Variants in TAF1 observed in about 807,000 individuals in gnomAD.
TAF1 encodes transcription initiation factor TFIID subunit 1.
Under a neutral mutation model 138.5 loss-of-function variants are expected in TAF1, and 2 were observed. The observed-to-expected ratio is 0.01, with a 90% CI of 0.01 to 0.05. The LOEUF (loss-of-function observed/expected upper bound fraction) is 0.05, where lower values mean the gene tolerates loss of function less well. TAF1 is among the 10% of genes least tolerant of loss of function. The probability of loss-of-function intolerance (pLI) is 1.00; values close to 1 mark genes in which losing one functional copy is unlikely to be tolerated. For synonymous variants in TAF1, 437 were observed against 503.2 expected, an observed-to-expected ratio of 0.87 and a Z score of 1.76; for missense variants, 709 against 1,478.0, an observed-to-expected ratio of 0.48 and a Z score of 8.53.
chrX:71,379,104 G>GTTTTTTTTTT lies in TAF1; in HGVS notation c.1360+73_1360+74insTTTTTTTTTT, dbSNP rs2033681489. 3.5e-5 allele frequency: 13 copies of GTTTTTTTTTT among 370,411 alleles called. No individual in the cohort carries two copies. The African/African-American group carries it at 4.0e-4, about 11-fold the overall frequency. The allele number at this position is 370,411 out of a possible 1,213,427, so 30.5% of individuals were successfully genotyped here. On this transcript the variant is annotated intron_variant, in intron 8 of 37. Coordinates refer to ENST00000423759, the MANE Select transcript of TAF1 (RefSeq NM_004606.5). ...AGTCACCATAAGTGGGCTCAGCTGT[G>GTTTTTTTTTT]ATTTTTTTTTTTTTTTTTTTTTTTC...
chrX:71,453,926 T>C (rs2038168461), intron 32 of TAF1, among the ~76,000 whole-genome samples: 1 of 112,019 alleles, frequency 8.9e-6, no homozygotes, highest in African/African-American at 3.2e-5. Context: ...TTGAAGTAAA[T>C]GAAACAAGAT....
chrX:71,377,487 C>A, intron 5 of TAF1, 116 bp from the exon 6 acceptor site: 1 of 920,342 alleles, frequency 1.1e-6, no homozygotes, highest in Non-Finnish European at 1.5e-6. Context: ...ATGCGACACT[C>A]CTTTGTTTCT....
intron 13 of TAF1, among the ~76,000 whole-genome samples, chrX:71,488,425 A>G (rs2039214208): frequency 2.8e-5 from 3 of 107,353 alleles, no homozygotes; most frequent in South Asian, 8.4e-4. Flanking sequence ...TGTATTTTTT[A>G]GTAGAGATGG....
intron 13 of TAF1, among the ~76,000 whole-genome samples, chrX:71,487,498 A>G (rs2039195637): frequency 9.2e-6 from 1 of 108,335 alleles, no homozygotes; most frequent in Non-Finnish European, 1.9e-5. Flanking sequence ...TAATTTTTGT[A>G]TTTTTAGTAG....
chrX:71,499,132 G>A lies in TAF1; in HGVS notation c.1367-29410G>A, dbSNP rs369829464. On this transcript the variant is annotated intron_variant and NMD_transcript_variant, in intron 13 of 14. Transcript: ENST00000373775. ...TTGGCTAGGCATAGTGGACATGGGC[G>A]AGGGGGCAGCTTGTTTCTCGTTGGA... Among the ~76,000 whole-genome samples, 9 of 109,389 alleles carry A rather than the reference G, an allele frequency of 8.2e-5. No homozygotes were observed. The East Asian group carries it at 1.2e-3, about 14-fold the overall frequency. The allele number at this position is 109,389 out of a possible 115,157, so 95.0% of individuals were successfully genotyped here.
At chrX:71,379,095 C>A in intron 8 of TAF1, 64 bp downstream of exon 8, 1 of 791,965 alleles carries the variant, frequency 1.3e-6, no homozygotes. Context: ...CATAAGTGGG[C>A]TCAGCTGTGA....
intron 32 of TAF1, among the ~76,000 whole-genome samples, chrX:71,429,229 C>T (rs1030873624): frequency 2.7e-5 from 3 of 109,632 alleles, no homozygotes; most frequent in Admixed American, 2.0e-4. Context: ...GAGCTGAGAT[C>T]GCATCACTGC....
chrX:71,493,234 C>G (rs1027693090), intron 13 of TAF1, among the ~76,000 whole-genome samples: 1 of 110,908 alleles, frequency 9.0e-6, no homozygotes, highest in Non-Finnish European at 1.9e-5. Context: ...AGGCTGGTCT[C>G]GAACTCCTGA....
Position 71,462,097 on chromosome X carries a change from G to T in TAF1, c.5399+1294G>T, listed in dbSNP as rs1207886133. Among the ~76,000 whole-genome samples, 4 of 111,440 alleles carry T rather than the reference G, an allele frequency of 3.6e-5. No individual in the cohort carries two copies. In the East Asian group the frequency reaches 1.1e-3, roughly 31 times the overall value. ...TGTAAGATCTATAATTCATGTGATA[G>T]AAATGACTTAAAGAGGTAGGTAAAT... On this transcript the variant is annotated intron_variant, in intron 37 of 37. Coordinates refer to ENST00000423759, the MANE Select transcript of TAF1 (RefSeq NM_004606.5).
intron 34 of TAF1, among the ~76,000 whole-genome samples, chrX:71,456,983 A>T (rs777541674): frequency 9.0e-6 from 1 of 110,894 alleles, no homozygotes; most frequent in South Asian, 3.8e-4. Context: ...ATGTATTTTC[A>T]CTCAACTGTT....
At chrX:71,502,931 C>T (rs377117005) in intron 13 of TAF1, among the ~76,000 whole-genome samples, 15 of 107,260 alleles carry the variant, frequency 1.4e-4, no homozygotes, top group South Asian at 4.0e-4. Context: ...AGTGAGACTC[C>T]GTCTCAAAAA....
At chrX:71,523,245 C>G (rs1309878808) in intron 13 of TAF1, among the ~76,000 whole-genome samples, 2 of 107,444 alleles carry the variant, frequency 1.9e-5, no homozygotes, top group Non-Finnish European at 3.8e-5. Context: ...ATCTCAGCTA[C>G]CATCCAAAAC....
At chrX:71,478,170 G>A (rs2039011169) in intron 13 of TAF1, among the ~76,000 whole-genome samples, 1 of 110,468 alleles carries the variant, frequency 9.1e-6, no homozygotes, top group South Asian at 3.8e-4. Context: ...CAGCCAACAT[G>A]GTGAAACCCT....
At chrX:71,508,086 C>CTCTCTCTCTCTATA (rs4040068) in intron 13 of TAF1, among the ~76,000 whole-genome samples, 143 of 92,173 alleles carry the variant, frequency 1.6e-3, no homozygotes, top group African/African-American at 5.9e-3. Context: ...CTCTCTCTCT[C>CTCTCTCTCTCTATA]TATATATATA....
chrX:71,396,317 C>G (rs937048659), intron 22 of TAF1, among the ~76,000 whole-genome samples: 1 of 93,815 alleles, frequency 1.1e-5, no homozygotes, highest in Non-Finnish European at 2.1e-5. Flanking sequence ...TTTTTTGAAA[C>G]AGGACCTCAT....
At position 71,508,084 on chromosome X, in the gene TAF1, CTCTATA is replaced by C. The variant is rs1487290420; in HGVS notation, c.1367-20456_1367-20451del. ...ATGAATATTCTCTCTCTCTCTCTCT[CTCTATA>C]TATATATATATATATATATATATGA... On this transcript the variant is annotated intron_variant and NMD_transcript_variant, in intron 13 of 14. Transcript: ENST00000373775. 7.4e-5 allele frequency among the ~76,000 whole-genome samples: 7 copies of C among 94,769 alleles called. No homozygotes were observed. In the East Asian group the frequency reaches 1.3e-3, roughly 18 times the overall value. 82.3% of individuals were successfully genotyped at this position (94,769 alleles called of 115,157 possible). A position where few individuals can be genotyped will look rare whatever the true frequency, so the allele number is the denominator to read the frequency against.
At chrX:71,429,694 G>A (rs2036781159) in intron 32 of TAF1, among the ~76,000 whole-genome samples, 2 of 111,232 alleles carry the variant, frequency 1.8e-5, no homozygotes, top group South Asian at 3.8e-4. Flanking sequence ...GACAGAGACC[G>A]GTAAAGAAAC....
chrX:71,384,900 T>C (rs1332290207), intron 13 of TAF1, 45 bp from the exon 14 acceptor site: 3 of 984,961 alleles, frequency 3.0e-6, no homozygotes, highest in African/African-American at 1.9e-5. Context: ...TTGTGTAGGA[T>C]TATTGATATA....
chrX:71,496,490 T>C (rs2039397213), intron 13 of TAF1, among the ~76,000 whole-genome samples: 1 of 111,973 alleles, frequency 8.9e-6, no homozygotes, highest in Non-Finnish European at 1.9e-5. Flanking sequence ...TCTCTCTTTC[T>C]TTCTCTTTGA....
Sources: gnomAD v4.1 joint callset for allele counts (sites outside exome capture counted in the v4.1 genomes callset) on GRCh38, gnomAD v4.1.1 for gene constraint, MANE v1.5 for transcripts, NCBI Gene and HGNC (gene_info 2026-07-23, HGNC 2026-07-21) for gene names.